Variants in PTPRD observed in about 807,000 individuals in gnomAD.
The protein encoded by PTPRD is receptor-type tyrosine-protein phosphatase delta.
In PTPRD, 34 loss-of-function variants were observed where a neutral mutation model predicts 214.5. The ratio of observed to expected loss-of-function variants is 0.16; its 90% CI spans 0.12 to 0.21. PTPRD has a LOEUF of 0.21. Among genes scored for constraint, PTPRD ranks in the 10% least tolerant of loss-of-function variants. PTPRD has a pLI of 1.00. For synonymous variants in PTPRD, 1,128 were observed against 845.7 expected (o/e 1.33, Z -5.79); for missense variants, 2,545 against 2,398.7 (o/e 1.06, Z -1.27).
At chr9:9,020,775 A>G (rs1040239951) in intron 10 of PTPRD, among the ~76,000 whole-genome samples, 1 of 152,162 alleles carries the variant, frequency 6.6e-6, no homozygotes. Context: ...GCATATATCT[A>G]AGAGAGTGAG....
At chr9:10,445,170 C>T (rs2098790179) in intron 2 of PTPRD, among the ~76,000 whole-genome samples, 1 of 151,994 alleles carries the variant, frequency 6.6e-6, no homozygotes, top group Non-Finnish European at 1.5e-5. Context: ...ACCAAAAAAT[C>T]TTGCACTTAC....
intron 7 of PTPRD, among the ~76,000 whole-genome samples, chr9:9,706,031 A>C (rs548157969): frequency 1.1e-4 from 16 of 152,168 alleles, no homozygotes; most frequent in Non-Finnish European, 1.3e-4. Flanking sequence ...ATCTTCTTGC[A>C]AATTAATCAT....
At chr9:9,877,066 G>C (rs940584185) in intron 5 of PTPRD, among the ~76,000 whole-genome samples, 3 of 152,056 alleles carry the variant, frequency 2.0e-5, no homozygotes, top group African/African-American at 4.8e-5. Flanking sequence ...GAATGCTACA[G>C]AATTCAAGCA....
intron 2 of PTPRD, among the ~76,000 whole-genome samples, chr9:10,536,790 G>C (rs991550170): frequency 1.3e-5 from 2 of 152,128 alleles, no homozygotes; most frequent in Admixed American, 1.3e-4. Flanking sequence ...TAATACCTCA[G>C]AACTCCTCTT....
chr9:10,535,568 A>C (rs1256321118), intron 2 of PTPRD, among the ~76,000 whole-genome samples: 3 of 152,182 alleles, frequency 2.0e-5, no homozygotes, highest in Non-Finnish European at 4.4e-5. Context: ...AAAATGAAAT[A>C]ATCAAGTCAC....
intron 7 of PTPRD, among the ~76,000 whole-genome samples, chr9:9,637,320 CG>C (rs1393617280): frequency 1.3e-5 from 2 of 152,114 alleles, no homozygotes; most frequent in African/African-American, 4.8e-5. Context: ...AGATTCGTAT[CG>C]GGGCAACTTG....
Position 8,522,036 on chromosome 9 carries a change from G to C in PTPRD, c.692-490C>G, listed in dbSNP as rs79997625. Reference sequence around the variant, plus strand: ...GACCACACTGTCACATCCCAGCCCTGGAAAACATCACCTAGAGTACACTGA... The same window carrying C: ...GACCACACTGTCACATCCCAGCCCTCGAAAACATCACCTAGAGTACACTGA... On this transcript the variant is annotated intron_variant, in intron 19 of 45. Coordinates refer to ENST00000381196, the MANE Select transcript of PTPRD (RefSeq NM_002839.4). Among the ~76,000 whole-genome samples the C allele has an allele frequency of 5.7e-4, 87 of 152,206 alleles. 1 individual carries two copies. In the East Asian group the frequency reaches 0.011, roughly 20 times the overall value.
At chr9:9,636,965 G>T (rs2095792665) in intron 7 of PTPRD, among the ~76,000 whole-genome samples, 1 of 152,038 alleles carries the variant, frequency 6.6e-6, no homozygotes, top group African/African-American at 2.4e-5. Context: ...GGGGAATGGT[G>T]TGTCCTCACA....
rs896781458 is a variant in PTPRD at position 8,521,241 on chromosome 9, T to C, written c.961+36A>G. 1.9e-6 allele frequency: 3 copies of C among 1,581,434 alleles called. No individual in the cohort carries two copies. The African/African-American group carries it at 4.0e-5, about 21-fold the overall frequency. On this transcript the variant is annotated intron_variant, in intron 20 of 45. Transcript: ENST00000381196. Reference sequence around the variant, plus strand: ...AGGCATTAGTCACTTGGCTTGAGTGTACCCAGATCCTCAAAGCATAATCCA... The same window carrying C: ...AGGCATTAGTCACTTGGCTTGAGTGCACCCAGATCCTCAAAGCATAATCCA...
At chr9:9,912,488 T>G (rs1012566665) in intron 5 of PTPRD, among the ~76,000 whole-genome samples, 2 of 152,178 alleles carry the variant, frequency 1.3e-5, no homozygotes, top group Admixed American at 1.3e-4. Context: ...GAATTAAGGT[T>G]GAGATTGCAC....
intron 5 of PTPRD, among the ~76,000 whole-genome samples, chr9:9,813,933 T>C (rs2047951458): frequency 6.6e-6 from 1 of 152,148 alleles, no homozygotes; most frequent in Non-Finnish European, 1.5e-5. Context: ...ATTTATCCCT[T>C]GCAAATGGGT....
In PTPRD at chr9:8,316,218, A is replaced by AAAG; in HGVS notation, c.*1653_*1655dup. Reference sequence around the variant, plus strand: ...TGAAAACTAGGAATGCATATTATTCAAAGAGTTTTTGTACATGTGGTAAAC... The same window carrying AAAG: ...TGAAAACTAGGAATGCATATTATTCAAAGAAGAGTTTTTGTACATGTGGTAAAC... On this transcript the variant is annotated 3_prime_UTR_variant, in exon 46 of 46. Transcript: ENST00000381196. The AAAG allele has an allele frequency of 4.3e-6, 1 of 230,014 alleles. No homozygotes were observed. The allele number at this position is 230,014 out of a possible 1,614,324, so 14.2% of individuals were successfully genotyped here. A position where few individuals can be genotyped will look rare whatever the true frequency, so the allele number is the denominator to read the frequency against.
chr9:8,763,405 T>G (rs1427557113), intron 11 of PTPRD, among the ~76,000 whole-genome samples: 1 of 151,890 alleles, frequency 6.6e-6, no homozygotes, highest in East Asian at 1.9e-4. Context: ...TCCTAGCTAC[T>G]TGGGAGGCTG....
intron 3 of PTPRD, among the ~76,000 whole-genome samples, chr9:10,091,950 T>C (rs1454764436): frequency 6.6e-6 from 1 of 151,406 alleles, no homozygotes; most frequent in Non-Finnish European, 1.5e-5. Flanking sequence ...AGAGTAGTAG[T>C]ACAGTACAAG....
chr9:8,636,758 G>C lies in PTPRD; in HGVS notation c.151C>G (p.Pro51Ala), dbSNP rs140692065. The change falls in exon 13 of 46, where the codon CCA becomes GCA. Residue 51 changes from proline to alanine, a missense_variant. By Grantham distance (27) the Pro-to-Ala change is conservative. Coordinates refer to ENST00000381196, the MANE Select transcript of PTPRD (RefSeq NM_002839.4). ...ASFICQATGD[P>A]RPKIVWNKKG... ...TTGTTCCAGACAATTTTAGGTCTTGGGTCTCCCGTAGCTTGGCAGATGAAA... is the reference window on the plus strand; with the variant it reads ...TTGTTCCAGACAATTTTAGGTCTTGCGTCTCCCGTAGCTTGGCAGATGAAA... 3.2e-5 allele frequency: 51 copies of C among 1,613,830 alleles called. No individual in the cohort carries two copies. Among genetic ancestry groups the C allele is most frequent in the Non-Finnish European group, 4.3e-5 (51 of 1,179,938 alleles).
At chr9:10,285,862 G>A (rs981909532) in intron 3 of PTPRD, among the ~76,000 whole-genome samples, 9 of 151,954 alleles carry the variant, frequency 5.9e-5, no homozygotes, top group African/African-American at 2.2e-4. Context: ...GCCCGCCTCG[G>A]CCTCCCAAAG....
Position 9,029,350 on chromosome 9 carries a change from G to C in PTPRD, c.-142-10615C>G, listed in dbSNP as rs140070801. Among the ~76,000 whole-genome samples, 81 of 151,914 alleles carry C rather than the reference G, an allele frequency of 5.3e-4. No homozygotes were observed. The East Asian group carries it at 0.015, about 28-fold the overall frequency. ...GAATCAGACTAAAAAGTGCTGATTG[G>C]TTAGGAGGGGCTAGAGATTAGAAAT... On this transcript the variant is annotated intron_variant, in intron 10 of 45. Coordinates refer to ENST00000381196, the MANE Select transcript of PTPRD (RefSeq NM_002839.4).
At chr9:8,848,644 G>A (rs1344361402) in intron 11 of PTPRD, among the ~76,000 whole-genome samples, 1 of 151,486 alleles carries the variant, frequency 6.6e-6, no homozygotes, top group Admixed American at 6.6e-5. Flanking sequence ...AAAGCACCAT[G>A]TCATTGGGCG....
intron 2 of PTPRD, among the ~76,000 whole-genome samples, chr9:10,393,874 T>C (rs564485621): frequency 6.7e-6 from 1 of 148,656 alleles, no homozygotes; most frequent in South Asian, 2.1e-4. Flanking sequence ...CTGATCCTTA[T>C]GTGGCGAGTG....
Sources: allele counts gnomAD v4.1 joint callset (sites outside exome capture counted in the v4.1 genomes callset), GRCh38; gene constraint gnomAD v4.1.1; transcripts MANE v1.5; gene names NCBI Gene and HGNC (gene_info 2026-07-23, HGNC 2026-07-21).